The following STIM1 variants were observed in gnomAD, a reference collection of about 807,000 sequenced individuals.
The protein encoded by STIM1 is stromal interaction molecule 1.
A neutral mutation model predicts 74.7 loss-of-function variants in STIM1; 25 were observed. That is an observed-to-expected ratio of 0.33 (90% CI 0.24 to 0.47). STIM1 has a LOEUF of 0.47. Ranked by LOEUF, STIM1 falls within the 20% of genes least tolerant of loss-of-function variation. The pLI, the probability that STIM1 is intolerant of heterozygous loss-of-function variation, is 1.00. For synonymous variants in STIM1, 328 were observed against 348.8 expected (o/e 0.94, Z 0.66); for missense variants, 728 against 920.8 (o/e 0.79, Z 2.71).
intron 6 of STIM1, among the ~76,000 whole-genome samples, chr11:4,071,770 A>G (rs754437885): frequency 2.9e-4 from 44 of 152,196 alleles, no homozygotes; most frequent in Non-Finnish European, 4.6e-4. Context: ...TGAAGTAGGT[A>G]CTATTAGAGT....
At chr11:3,866,661 G>C (rs569525872) in intron 1 of STIM1, among the ~76,000 whole-genome samples, 19 of 152,044 alleles carry the variant, frequency 1.2e-4, no homozygotes, top group Non-Finnish European at 8.8e-5. Flanking sequence ...TCCTGACCTT[G>C]CGATCCGCCT....
chr11:4,081,122 C>G (rs1300151893), intron 7 of STIM1, among the ~76,000 whole-genome samples: 2 of 152,116 alleles, frequency 1.3e-5, no homozygotes, highest in African/African-American at 2.4e-5. Context: ...TGGAGAGGAC[C>G]TCAGGCTTGC....
rs999327397 is a variant in STIM1 at position 4,036,457 on chromosome 11, T to C, written c.385+12470T>C. Among the ~76,000 whole-genome samples, 9 of 152,196 alleles carry C rather than the reference T, an allele frequency of 5.9e-5. 1 individual carries two copies. Among genetic ancestry groups the C allele is most frequent in the Admixed American group, 2.0e-4 (3 of 15,278 alleles). On this transcript the variant is annotated intron_variant, in intron 3 of 12. Transcript: ENST00000526596. ...AGTGTCTTCCACAATGGTGAACTAA[T>C]TTGCATTCCCACCAACAGTGTAAAA... is the stretch of plus-strand genomic sequence containing the variant.
At chr11:4,064,331 T>G (rs990101012) in intron 5 of STIM1, among the ~76,000 whole-genome samples, 3 of 152,160 alleles carry the variant, frequency 2.0e-5, no homozygotes, top group African/African-American at 7.2e-5. Flanking sequence ...CCTCTAGACT[T>G]TATTTCCCCT....
rs752075574 is a variant in STIM1 at position 4,074,541 on chromosome 11, G to A, written c.831G>A (p.Val277=). 1 of 1,614,114 alleles carries A rather than the reference G, an allele frequency of 6.2e-7. No homozygotes were observed. Among genetic ancestry groups the A allele is most frequent in the Non-Finnish European group, 8.5e-7 (1 of 1,180,024 alleles). Residue 277 remains valine, a synonymous_variant, in exon 7 of 13, where the codon GTG becomes GTA. Transcript: ENST00000526596. ...KAQEEHRTVE[V]EKVHLEKKLR... is the part of the protein sequence containing the mutation. ...AGGAGGAGCACCGCACAGTGGAGGT[G>A]GAGAAGGTCCATCTGGAAAAGAAGC...
chr11:4,004,743 A>G (rs559011121), intron 2 of STIM1, among the ~76,000 whole-genome samples: 1 of 151,966 alleles, frequency 6.6e-6, no homozygotes, highest in Non-Finnish European at 1.5e-5. Flanking sequence ...AATGGGATCT[A>G]ATTAAACTAA....
At chr11:3,942,309 C>T (rs904006415) in intron 1 of STIM1, among the ~76,000 whole-genome samples, 2 of 152,324 alleles carry the variant, frequency 1.3e-5, no homozygotes, top group Admixed American at 6.5e-5. Context: ...CAGGCAGTCT[C>T]ACTATGCATA....
chr11:3,979,716 A>G (rs1384341297), intron 2 of STIM1, among the ~76,000 whole-genome samples: 1 of 152,200 alleles, frequency 6.6e-6, no homozygotes, highest in Non-Finnish European at 1.5e-5. Flanking sequence ...CGGGGATTAC[A>G]GGTGAGAGCC....
intron 1 of STIM1, among the ~76,000 whole-genome samples, chr11:3,895,369 A>G (rs2092029901): frequency 6.6e-6 from 1 of 152,168 alleles, no homozygotes; most frequent in African/African-American, 2.4e-5. Flanking sequence ...TTGAGCTTCA[A>G]GACATTTCTA....
rs1038157513 is a variant in STIM1, at chr11:3,965,804, G to A, written c.140-1748G>A. On this transcript the variant is annotated intron_variant, in intron 1 of 12. Transcript: ENST00000526596. ...GCGGATCACTTGAGGTCAGGACTTCGAGACTGGCCTGGCCAACATGCTGAA... is the reference window on the plus strand; with the variant it reads ...GCGGATCACTTGAGGTCAGGACTTCAAGACTGGCCTGGCCAACATGCTGAA... Among the ~76,000 whole-genome samples the A allele has an allele frequency of 6.6e-5, 10 of 152,052 alleles. 1 individual carries two copies. Among genetic ancestry groups the A allele is most frequent in the African/African-American group, 2.4e-4 (10 of 41,474 alleles).
At chr11:3,943,044 C>T (rs1205325720) in intron 1 of STIM1, among the ~76,000 whole-genome samples, 1 of 152,166 alleles carries the variant, frequency 6.6e-6, no homozygotes, top group Non-Finnish European at 1.5e-5. Context: ...ATTTCTTTTA[C>T]CCCAAGGCAA....
At chr11:4,038,256 A>G (rs2094120076) in intron 3 of STIM1, among the ~76,000 whole-genome samples, 1 of 152,060 alleles carries the variant, frequency 6.6e-6, no homozygotes, top group Non-Finnish European at 1.5e-5. Context: ...GCTGGTCTCG[A>G]ACTCCTGACT....
intron 1 of STIM1, among the ~76,000 whole-genome samples, chr11:3,895,867 C>CTTTCTTTTCT (rs199623120): frequency 0.1 from 7,771 of 75,240 alleles, 1,030 homozygotes; most frequent in Middle Eastern, 0.17. Flanking sequence ...CTCTCTCTCT[C>CTTTCTTTTCT]TTTCTTTTCT....
intron 3 of STIM1, among the ~76,000 whole-genome samples, chr11:4,039,760 T>C (rs952400579): frequency 1.3e-5 from 2 of 151,820 alleles, no homozygotes; most frequent in African/African-American, 2.4e-5. Context: ...AATCTGATGA[T>C]ATTTTATTTT....
At chr11:4,085,271 C>T (rs2094487017) in intron 11 of STIM1, among the ~76,000 whole-genome samples, 1 of 152,174 alleles carries the variant, frequency 6.6e-6, no homozygotes, top group Non-Finnish European at 1.5e-5. Flanking sequence ...GTGGTCCTTC[C>T]AAGGCTTCGC....
At chr11:3,857,130 G>C (rs1230432799) in intron 1 of STIM1, among the ~76,000 whole-genome samples, 2 of 111,264 alleles carry the variant, frequency 1.8e-5, no homozygotes, top group Non-Finnish European at 3.4e-5. Context: ...TTTTCCCTGA[G>C]TCTGCTTGCT....
intron 2 of STIM1, among the ~76,000 whole-genome samples, chr11:3,998,600 T>C (rs2093683601): frequency 6.6e-6 from 1 of 152,042 alleles, no homozygotes; most frequent in Non-Finnish European, 1.5e-5. Context: ...TTCCAGAAAA[T>C]TTACAAGATG....
intron 1 of STIM1, among the ~76,000 whole-genome samples, chr11:3,883,502 C>T (rs937918256): frequency 3.3e-5 from 5 of 152,088 alleles, no homozygotes; most frequent in Admixed American, 2.0e-4. Flanking sequence ...TACAGGCATG[C>T]GCCACCACGC....
intron 1 of STIM1, among the ~76,000 whole-genome samples, chr11:3,894,883 C>T (rs1224095270): frequency 6.7e-6 from 1 of 149,922 alleles, no homozygotes; most frequent in Non-Finnish European, 1.5e-5. Context: ...GCATTACAGG[C>T]ATGTGCCACC....
Sources: allele counts gnomAD v4.1 joint callset (sites outside exome capture counted in the v4.1 genomes callset), GRCh38; gene constraint gnomAD v4.1.1; transcripts MANE v1.5; gene names NCBI Gene and HGNC (gene_info 2026-07-23, HGNC 2026-07-21).